Variants in CSMD2 observed in about 807,000 individuals in gnomAD.
CSMD2 encodes CUB and sushi domain-containing protein 2.
Under a neutral mutation model 398.5 loss-of-function variants are expected in CSMD2, and 130 were observed. The observed-to-expected ratio is 0.33, with a 90% confidence interval of 0.28 to 0.38. CSMD2 has a LOEUF of 0.38. CSMD2 is among the 10% of genes least tolerant of loss of function. The probability of loss-of-function intolerance (pLI) is 1.00; values close to 1 mark genes in which losing one functional copy is unlikely to be tolerated. For synonymous variants in CSMD2, 1,828 were observed against 1,908.5 expected (o/e 0.96, Z 1.10); for missense variants, 3,829 against 4,764.9 (o/e 0.80, Z 5.78).
intron 1 of CSMD2, among the ~76,000 whole-genome samples, chr1:34,155,169 T>C (rs10914880): frequency 0.61 from 92,469 of 152,030 alleles, 30,415 homozygotes; most frequent in Non-Finnish European, 0.74. Flanking sequence ...GAGGTGATCA[T>C]AAAGTGCTAA....
In CSMD2 at chr1:33,765,080, G is replaced by A. The variant is rs184875762; in HGVS notation, c.1846+7489C>T. Among the ~76,000 whole-genome samples, 17 of 152,254 alleles carry A rather than the reference G, an allele frequency of 1.1e-4. 1 individual carries two copies. In the East Asian group the frequency reaches 1.9e-3, roughly 17 times the overall value. ...TATATTTAGAAAGACGGAAGTAGGC[G>A]AACAAAAACATGTGTCTGGATATGA... is the stretch of plus-strand genomic sequence containing the variant. On this transcript the variant is annotated intron_variant, in intron 13 of 70. Transcript: ENST00000373381.
At chr1:33,531,842 T>C (rs1655261109) in intron 64 of CSMD2, among the ~76,000 whole-genome samples, 1 of 152,178 alleles carries the variant, frequency 6.6e-6, no homozygotes, top group African/African-American at 2.4e-5. Flanking sequence ...TATTGTTTAA[T>C]GGGTATGGAG....
intron 5 of CSMD2, among the ~76,000 whole-genome samples, chr1:33,889,112 T>C (rs116210248): frequency 0.019 from 2,962 of 152,288 alleles, 93 homozygotes; most frequent in African/African-American, 0.065. Context: ...ATAAAACTTA[T>C]GCTGTGAGAG....
intron 6 of CSMD2, among the ~76,000 whole-genome samples, chr1:33,836,810 C>T (rs1215575096): frequency 6.6e-6 from 1 of 152,230 alleles, no homozygotes; most frequent in Non-Finnish European, 1.5e-5. Context: ...CTTGCACTTC[C>T]TGGGTGAGGC....
In CSMD2 at chr1:34,135,616, C is replaced by CAA. The variant is rs55936483; in HGVS notation, c.187+29293_187+29294dup. On this transcript the variant is annotated intron_variant, in intron 1 of 70. Coordinates refer to ENST00000373381, the MANE Select transcript of CSMD2 (RefSeq NM_001281956.2). ...CTGGCAACAAAGCAAGACTCCATCT[C>CAA]AAAAAAAAAAAAAAAAAAAAAAAAA... Among the ~76,000 whole-genome samples the CAA allele has an allele frequency of 7.3e-5, 6 of 82,624 alleles. 1 individual carries two copies. Among genetic ancestry groups the CAA allele is most frequent in the African/African-American group, 1.5e-4 (3 of 20,362 alleles). The allele number at this position is 82,624 out of a possible 152,430, so 54.2% of individuals were successfully genotyped here.
At position 34,076,928 on chromosome 1, in the gene CSMD2, AATATAT is replaced by A. The variant is rs1177320523; in HGVS notation, c.404+12043_404+12048del. Among the ~76,000 whole-genome samples the A allele has an allele frequency of 7.1e-3, 380 of 53,486 alleles. 13 individuals carry two copies. Among genetic ancestry groups the A allele is most frequent in the East Asian group, 0.015 (27 of 1,812 alleles). 35.1% of individuals were successfully genotyped at this position (53,486 alleles called of 152,430 possible). ...GCAAAGCAAAAAAAAAAAAAAAAAA[AATATAT>A]ATATATATATATATATATATATAGA... On this transcript the variant is annotated intron_variant, in intron 2 of 70. Coordinates refer to ENST00000373381, the MANE Select transcript of CSMD2 (RefSeq NM_001281956.2).
At chr1:33,759,373 T>C (rs1484366199) in intron 13 of CSMD2, among the ~76,000 whole-genome samples, 1 of 143,372 alleles carries the variant, frequency 7.0e-6, no homozygotes, top group African/African-American at 2.7e-5. Flanking sequence ...TCACCCAGGC[T>C]AGAGTGCAGT....
At chr1:33,605,885 C>G (rs1485341286) in intron 41 of CSMD2, 3 of 1,613,616 alleles carry the variant, frequency 1.9e-6, no homozygotes, top group Non-Finnish European at 2.5e-6. Context: ...GATCAAGATC[C>G]CAGACATAGG....
At position 33,699,050 on chromosome 1, in the gene CSMD2, G is replaced by A. The variant is rs113546278; in HGVS notation, c.3734-106C>T. 1.4e-4 allele frequency: 129 copies of A among 920,582 alleles called. No homozygotes were observed. The African/African-American group carries it at 1.8e-3, about 13-fold the overall frequency. The allele number at this position is 920,582 out of a possible 1,614,324, so 57.0% of individuals were successfully genotyped here. Reference sequence around the variant, plus strand: ...TCCTCAAGGAAGCTGTCTCAGCCACGGACCCTGGGTTCTGATGGATTCACC... The same window carrying A: ...TCCTCAAGGAAGCTGTCTCAGCCACAGACCCTGGGTTCTGATGGATTCACC... On this transcript the variant is annotated intron_variant, in intron 23 of 70. Coordinates refer to ENST00000373381, the MANE Select transcript of CSMD2 (RefSeq NM_001281956.2).
intron 29 of CSMD2, among the ~76,000 whole-genome samples, chr1:33,642,012 T>C (rs1478564401): frequency 6.6e-6 from 1 of 152,106 alleles, no homozygotes; most frequent in African/African-American, 2.4e-5. Context: ...CCTCAGATGA[T>C]CCTTTGGGAT....
At chr1:33,713,780 T>C (rs1281526152) in intron 21 of CSMD2, among the ~76,000 whole-genome samples, 1 of 152,156 alleles carries the variant, frequency 6.6e-6, no homozygotes, top group Non-Finnish European at 1.5e-5. Context: ...CTGTTCCCTC[T>C]TCTCCCAGAT....
chr1:34,100,678 G>A (rs1303740584), intron 1 of CSMD2, among the ~76,000 whole-genome samples: 1 of 152,096 alleles, frequency 6.6e-6, no homozygotes, highest in South Asian at 2.1e-4. Context: ...GATGCACAAC[G>A]TTTCAGTGTA....
intron 5 of CSMD2, among the ~76,000 whole-genome samples, chr1:33,858,344 C>G (rs1009666705): frequency 1.3e-5 from 2 of 152,136 alleles, no homozygotes; most frequent in African/African-American, 4.8e-5. Flanking sequence ...TCCTTCTTCC[C>G]TCCTCCTGCA....
At chr1:33,644,721 T>A (rs1643316184) in intron 29 of CSMD2, among the ~76,000 whole-genome samples, 1 of 151,964 alleles carries the variant, frequency 6.6e-6, no homozygotes, top group Non-Finnish European at 1.5e-5. Flanking sequence ...GTGGGGATGG[T>A]GGTGGTGGGA....
At chr1:34,129,616 T>C (rs1023325051) in intron 1 of CSMD2, among the ~76,000 whole-genome samples, 2 of 152,144 alleles carry the variant, frequency 1.3e-5, no homozygotes, top group Non-Finnish European at 2.9e-5. Flanking sequence ...TGCGCCACTG[T>C]ACTCCAGCCT....
At chr1:34,058,681 G>A (rs1395288281) in intron 2 of CSMD2, among the ~76,000 whole-genome samples, 1 of 152,138 alleles carries the variant, frequency 6.6e-6, no homozygotes, top group Non-Finnish European at 1.5e-5. Flanking sequence ...CTGAGGGTCT[G>A]AGTGCCCACT....
chr1:33,878,956 A>G (rs1297931309), intron 5 of CSMD2, among the ~76,000 whole-genome samples: 1 of 152,186 alleles, frequency 6.6e-6, no homozygotes, highest in Non-Finnish European at 1.5e-5. Flanking sequence ...AACGAAAAGA[A>G]AAAGCACATT....
rs57741018 is a variant in CSMD2 at position 34,130,874 on chromosome 1, G to A, written c.187+34037C>T. On this transcript the variant is annotated intron_variant, in intron 1 of 70. Coordinates refer to ENST00000373381, the MANE Select transcript of CSMD2 (RefSeq NM_001281956.2). Reference sequence around the variant, plus strand: ...AAACCCGTCCCAGGTCCCCATCTCCGCACATCCACAGCTTGCTTCCTGGTT... The same window carrying A: ...AAACCCGTCCCAGGTCCCCATCTCCACACATCCACAGCTTGCTTCCTGGTT... Among the ~76,000 whole-genome samples the A allele has an allele frequency of 5.9e-3, 891 of 151,926 alleles. 13 individuals carry two copies. Among genetic ancestry groups the A allele is most frequent in the African/African-American group, 0.02 (848 of 41,450 alleles).
rs769918932 is a variant in CSMD2, at chr1:33,546,180, G to A, written c.8957C>T (p.Ala2986Val). Residue 2986 changes from alanine (A) to valine (V), a missense_variant, in exon 57 of 71, where the codon GCT (alanine) becomes GTT (valine). This residue lies in a region of CSMD2 where 917 missense variants were observed against 1,199.5 expected (regional missense o/e 0.76). Transcript: ENST00000373381. The stretch of plus-strand genomic sequence containing the variant: ...GCTGTCCCCCAAACGGATGCCATGA[G>A]CCGGGATCCCAGGGTCACCGCAAAC... ...VGVCGDPGIP[A>V]HGIRLGDSFD... 2 of 1,614,162 alleles carry A rather than the reference G, an allele frequency of 1.2e-6. No homozygotes were observed. The highest frequency in any genetic ancestry group is 2.2e-5 in the South Asian group (2 of 91,084).
Sources: allele counts gnomAD v4.1 joint callset (sites outside exome capture counted in the v4.1 genomes callset), GRCh38; gene constraint gnomAD v4.1.1; regional missense constraint gnomAD v4.1.1; transcripts MANE v1.5; gene names NCBI Gene and HGNC (gene_info 2026-07-23, HGNC 2026-07-21).